The following CAMKMT variants were observed in gnomAD, a reference collection of about 807,000 sequenced individuals.
CAMKMT encodes CaM KMT.
Under a neutral mutation model 48.0 loss-of-function variants are expected in CAMKMT, and 53 were observed. The ratio of observed to expected loss-of-function variants is 1.10; its 90% confidence interval spans 0.89 to 1.39. CAMKMT has a LOEUF of 1.39. Among genes scored for constraint, CAMKMT ranks in the 40% most tolerant of loss-of-function variants. The pLI, the probability that CAMKMT is intolerant of heterozygous loss-of-function variation, is 0.00. For synonymous variants in CAMKMT, 165 were observed against 152.3 expected (o/e 1.08, Z -0.61); for missense variants, 428 against 402.7 (o/e 1.06, Z -0.54).
At chr2:44,622,277 C>T (rs1416955114) in intron 3 of CAMKMT, among the ~76,000 whole-genome samples, 2 of 152,186 alleles carry the variant, frequency 1.3e-5, no homozygotes, top group African/African-American at 4.8e-5. Flanking sequence ...AAAAAATCAA[C>T]TCCATAGAGG....
At chr2:44,373,783 G>T (rs1167566648) in intron 2 of CAMKMT, among the ~76,000 whole-genome samples, 3 of 152,056 alleles carry the variant, frequency 2.0e-5, no homozygotes, top group Non-Finnish European at 4.4e-5. Flanking sequence ...AATTGACTAG[G>T]TTGGGCAGGA....
At chr2:44,389,227 C>T (rs1681079442) in intron 2 of CAMKMT, among the ~76,000 whole-genome samples, 2 of 152,060 alleles carry the variant, frequency 1.3e-5, no homozygotes, top group Non-Finnish European at 2.9e-5. Context: ...ACCTCCTCTT[C>T]TTATAAAGAA....
At chr2:44,587,093 T>G (rs532728225) in intron 3 of CAMKMT, among the ~76,000 whole-genome samples, 30 of 152,188 alleles carry the variant, frequency 2.0e-4, no homozygotes, top group African/African-American at 7.0e-4. Context: ...TGAGTGTGTA[T>G]TCAGGATTTT....
intron 3 of CAMKMT, among the ~76,000 whole-genome samples, chr2:44,587,451 C>A (rs1006553971): frequency 2.0e-5 from 3 of 148,854 alleles, no homozygotes; most frequent in African/African-American, 7.5e-5. Context: ...TCCCCCTCCC[C>A]CTCCCCCTGT....
At chr2:44,724,151 G>C (rs1309193913) in intron 7 of CAMKMT, among the ~76,000 whole-genome samples, 1 of 152,102 alleles carries the variant, frequency 6.6e-6, no homozygotes, top group Non-Finnish European at 1.5e-5. Context: ...TGTGCCTGTA[G>C]TCCCAGATAC....
intron 3 of CAMKMT, among the ~76,000 whole-genome samples, chr2:44,532,149 T>C (rs1280253503): frequency 6.6e-6 from 1 of 152,214 alleles, no homozygotes; most frequent in African/African-American, 2.4e-5. Context: ...AATCTAGTCG[T>C]TATTAAAATG....
At chr2:44,676,227 C>G (rs568785788) in intron 3 of CAMKMT, among the ~76,000 whole-genome samples, 9 of 152,246 alleles carry the variant, frequency 5.9e-5, no homozygotes, top group Admixed American at 6.5e-5. Flanking sequence ...TCTCTCTTCC[C>G]TCTCTTTGCT....
chr2:44,646,629 C>T (rs577023213), intron 3 of CAMKMT, among the ~76,000 whole-genome samples: 219 of 152,238 alleles, frequency 1.4e-3, no homozygotes, highest in African/African-American at 5.1e-3. Context: ...TTTAAGCTAG[C>T]CTAGAAAATC....
chr2:44,405,237 A>T (rs1682700545), intron 3 of CAMKMT, among the ~76,000 whole-genome samples: 2 of 152,086 alleles, frequency 1.3e-5, no homozygotes, highest in African/African-American at 4.8e-5. Context: ...ATGAGCAAGG[A>T]TGTTAAATAT....
intron 3 of CAMKMT, among the ~76,000 whole-genome samples, chr2:44,675,078 A>AGCG (rs1558788050): frequency 8.0e-5 from 11 of 137,610 alleles, no homozygotes; most frequent in African/African-American, 8.3e-5. Flanking sequence ...ACCAACCTTA[A>AGCG]GGGGGGGAAA....
At chr2:44,438,366 A>G (rs753506901) in intron 3 of CAMKMT, among the ~76,000 whole-genome samples, 2 of 152,184 alleles carry the variant, frequency 1.3e-5, no homozygotes, top group Non-Finnish European at 2.9e-5. Context: ...TTGAAATTTC[A>G]TTTGTGTTTA....
chr2:44,547,713 TA>T (rs5830794), intron 3 of CAMKMT, among the ~76,000 whole-genome samples: 10,928 of 152,226 alleles, frequency 0.072, 424 homozygotes, highest in African/African-American at 0.085. Flanking sequence ...TCATTTGAAA[TA>T]ATACCCATTT....
At chr2:44,418,019 C>G (rs1414690974) in intron 3 of CAMKMT, among the ~76,000 whole-genome samples, 1 of 151,918 alleles carries the variant, frequency 6.6e-6, no homozygotes, top group East Asian at 1.9e-4. Flanking sequence ...TGGCGAAACC[C>G]CATCTCTACC....
intron 3 of CAMKMT, among the ~76,000 whole-genome samples, chr2:44,699,829 A>T (rs994572320): frequency 6.6e-6 from 1 of 152,172 alleles, no homozygotes; most frequent in African/African-American, 2.4e-5. Context: ...GAGCATTGGC[A>T]TCAACTTAGT....
intron 3 of CAMKMT, among the ~76,000 whole-genome samples, chr2:44,574,681 A>G (rs1669111793): frequency 6.6e-6 from 1 of 152,084 alleles, no homozygotes; most frequent in Admixed American, 6.5e-5. Context: ...GTAATTTGAT[A>G]ATGAAATGAC....
At chr2:44,498,231 C>T (rs1196520501) in intron 3 of CAMKMT, among the ~76,000 whole-genome samples, 1 of 152,124 alleles carries the variant, frequency 6.6e-6, no homozygotes, top group East Asian at 1.9e-4. Context: ...AGTGACATGA[C>T]TTCATGTTGT....
intron 3 of CAMKMT, among the ~76,000 whole-genome samples, chr2:44,436,083 T>C (rs1419291857): frequency 6.6e-6 from 1 of 152,140 alleles, no homozygotes; most frequent in Non-Finnish European, 1.5e-5. Context: ...TTTTCTTTTT[T>C]CTTGTTTTTT....
In CAMKMT at chr2:44,479,334, G is replaced by C. The variant is rs114004294; in HGVS notation, c.376+89029G>C. ...TATGGCATGGCACTAAGTGACATTA[G>C]ATTAGCAACTGGGGAACAACTTTGT... On this transcript the variant is annotated intron_variant, in intron 3 of 10. Transcript: ENST00000378494. 4.7e-3 allele frequency among the ~76,000 whole-genome samples: 714 copies of C among 152,260 alleles called. 6 individuals are homozygous for C. The highest frequency in any genetic ancestry group is 0.016 in the African/African-American group (683 of 41,546).
chr2:44,686,218 A>G (rs1001773423), intron 3 of CAMKMT, among the ~76,000 whole-genome samples: 6 of 151,706 alleles, frequency 4.0e-5, no homozygotes, highest in Non-Finnish European at 7.4e-5. Context: ...ACGATGAAAC[A>G]CCGTATCTAC....
Sources: allele counts gnomAD v4.1 joint callset (sites outside exome capture counted in the v4.1 genomes callset), GRCh38; gene constraint gnomAD v4.1.1; transcripts MANE v1.5; gene names NCBI Gene and HGNC (gene_info 2026-07-23, HGNC 2026-07-21).